Variants in SEMA3E observed in about 807,000 individuals in gnomAD.
The protein encoded by SEMA3E is semaphorin 3E, also known as semaphorin-3E.
SEMA3E carries 49 observed loss-of-function variants against 93.6 expected under a neutral mutation model. The observed-to-expected ratio is 0.52, with a 90% CI of 0.42 to 0.66. The LOEUF (loss-of-function observed/expected upper bound fraction) is 0.66. Among genes scored for constraint, SEMA3E ranks in the 30% least tolerant of loss-of-function variants. SEMA3E has a pLI of 0.00. For missense variants in SEMA3E, 906 were observed against 964.8 expected, an observed-to-expected ratio of 0.94 and a Z score of 0.81; for synonymous variants, 363 against 330.7, an observed-to-expected ratio of 1.10 and a Z score of -1.06.
At chr7:83,542,141 A>G (rs1415268034) in intron 1 of SEMA3E, among the ~76,000 whole-genome samples, 1 of 151,868 alleles carries the variant, frequency 6.6e-6, no homozygotes, top group Non-Finnish European at 1.5e-5. Flanking sequence ...TCAGAAGTTC[A>G]AGATCAGCCT....
intron 1 of SEMA3E, among the ~76,000 whole-genome samples, chr7:83,548,448 A>G (rs1562828198): frequency 1.3e-5 from 2 of 152,080 alleles, no homozygotes; most frequent in African/African-American, 4.8e-5. Flanking sequence ...AAATTAAATT[A>G]TACATGACTC....
intron 16 of SEMA3E, among the ~76,000 whole-genome samples, chr7:83,383,147 A>G (rs548816240): frequency 2.6e-5 from 4 of 151,904 alleles, no homozygotes; most frequent in Non-Finnish European, 1.5e-5. Context: ...GGGGTACTCT[A>G]TAAAGCACTT....
At chr7:83,437,348 A>G (rs2713164) in intron 4 of SEMA3E, among the ~76,000 whole-genome samples, 147,933 of 152,126 alleles carry the variant, frequency 0.97, 72,077 homozygotes, top group Middle Eastern at 1. Flanking sequence ...AAGTAATTAA[A>G]AAACATTAAA....
chr7:83,536,799 A>G (rs1329038146), intron 1 of SEMA3E, among the ~76,000 whole-genome samples: 2 of 152,140 alleles, frequency 1.3e-5, no homozygotes, highest in African/African-American at 4.8e-5. Flanking sequence ...CAATTTTATC[A>G]CAGATTTTCT....
chr7:83,510,930 CT>C (rs1790804821), intron 1 of SEMA3E, among the ~76,000 whole-genome samples: 1 of 152,208 alleles, frequency 6.6e-6, no homozygotes, highest in East Asian at 1.9e-4. Flanking sequence ...TAATATCACA[CT>C]TTTTTTGTAA....
chr7:83,462,499 C>T (rs1030938929), intron 4 of SEMA3E, among the ~76,000 whole-genome samples: 1 of 151,968 alleles, frequency 6.6e-6, no homozygotes, highest in African/African-American at 2.4e-5. Flanking sequence ...CTGCCTTTTC[C>T]CCCAGTTCAA....
At chr7:83,441,674 G>A (rs1789117241) in intron 4 of SEMA3E, among the ~76,000 whole-genome samples, 1 of 152,090 alleles carries the variant, frequency 6.6e-6, no homozygotes, top group South Asian at 2.1e-4. Flanking sequence ...TATGGAGGAG[G>A]ACACTGAGCC....
intron 1 of SEMA3E, among the ~76,000 whole-genome samples, chr7:83,611,256 T>C (rs1413200758): frequency 6.9e-6 from 1 of 144,218 alleles, no homozygotes; most frequent in Non-Finnish European, 1.5e-5. Flanking sequence ...TATATTTATA[T>C]ATATTATATA....
chr7:83,387,196 A>G (rs2116919314), intron 14 of SEMA3E, 146 bp from the exon 15 acceptor site: 1 of 702,256 alleles, frequency 1.4e-6, no homozygotes, highest in African/African-American at 1.8e-5. Flanking sequence ...TCCAAGTTTC[A>G]TAGTTTTTCA....
intron 1 of SEMA3E, among the ~76,000 whole-genome samples, chr7:83,523,842 A>G (rs1584307466): frequency 6.6e-6 from 1 of 152,206 alleles, no homozygotes; most frequent in East Asian, 1.9e-4. Context: ...ATGCTGCATT[A>G]TTAGGGCAAG....
At chr7:83,631,190 G>T (rs1029753823) in intron 1 of SEMA3E, among the ~76,000 whole-genome samples, 1 of 151,880 alleles carries the variant, frequency 6.6e-6, no homozygotes, top group Non-Finnish European at 1.5e-5. Flanking sequence ...AGACGGTTTT[G>T]TTTCTTCATA....
intron 1 of SEMA3E, among the ~76,000 whole-genome samples, chr7:83,566,229 A>C (rs1234298983): frequency 6.7e-6 from 1 of 148,164 alleles, no homozygotes; most frequent in Non-Finnish European, 1.5e-5. Flanking sequence ...GATTGTCTCG[A>C]TCTCCTGACC....
intron 1 of SEMA3E, among the ~76,000 whole-genome samples, chr7:83,525,810 T>C (rs1458860146): frequency 6.6e-6 from 1 of 150,800 alleles, no homozygotes; most frequent in Non-Finnish European, 1.5e-5. Context: ...TTCGTCTCTA[T>C]ATTTCATTTT....
intron 2 of SEMA3E, among the ~76,000 whole-genome samples, chr7:83,479,278 T>C (rs1157040012): frequency 6.6e-6 from 1 of 152,302 alleles, no homozygotes; most frequent in African/African-American, 2.4e-5. Context: ...ATTTAAAGTA[T>C]ATCTCCTCCA....
At chr7:83,574,684 T>C (rs548988190) in intron 1 of SEMA3E, among the ~76,000 whole-genome samples, 1 of 152,184 alleles carries the variant, frequency 6.6e-6, no homozygotes, top group African/African-American at 2.4e-5. Context: ...TAATCCTTAG[T>C]GACCACTAAG....
intron 2 of SEMA3E, among the ~76,000 whole-genome samples, chr7:83,475,931 C>T (rs990299732): frequency 6.6e-6 from 1 of 152,184 alleles, no homozygotes; most frequent in Non-Finnish European, 1.5e-5. Flanking sequence ...CAAAGAGTTT[C>T]ACAACAAAAT....
chr7:83,504,210 C>A (rs932537428), intron 1 of SEMA3E, among the ~76,000 whole-genome samples: 1 of 152,098 alleles, frequency 6.6e-6, no homozygotes, highest in African/African-American at 2.4e-5. Context: ...CTCATAATTA[C>A]TAAAATGATA....
At chr7:83,549,522 T>G (rs542433371) in intron 1 of SEMA3E, among the ~76,000 whole-genome samples, 1 of 152,274 alleles carries the variant, frequency 6.6e-6, no homozygotes, top group Non-Finnish European at 1.5e-5. Flanking sequence ...TTCGTATCAT[T>G]AAAATTGAAT....
rs71557172 is a variant in SEMA3E, at chr7:83,445,498, G to T, written c.456+20984C>A. ...TCTGGGAGGCTGAGGCGGGTGTTTG[G>T]CCTGAGGTCAGGAGTTCAAGACAGG... On this transcript the variant is annotated intron_variant, in intron 4 of 16. Coordinates refer to ENST00000643230, the MANE Select transcript of SEMA3E (RefSeq NM_012431.3). Among the ~76,000 whole-genome samples, 937 of 152,226 alleles carry T rather than the reference G, an allele frequency of 6.2e-3. 5 individuals are homozygous for T. The highest frequency in any genetic ancestry group is 0.01 in the Non-Finnish European group (708 of 67,988).
Sources: gnomAD v4.1 joint callset for allele counts (sites outside exome capture counted in the v4.1 genomes callset) on GRCh38, gnomAD v4.1.1 for gene constraint, MANE v1.5 for transcripts, NCBI Gene and HGNC (gene_info 2026-07-23, HGNC 2026-07-21) for gene names.